The following PTPRD variants were observed in gnomAD, a reference collection of about 807,000 sequenced individuals.
PTPRD encodes protein tyrosine phosphatase receptor type D.
PTPRD carries 34 observed loss-of-function variants against 214.5 expected under a neutral mutation model. That is an observed-to-expected ratio of 0.16 (90% confidence interval 0.12 to 0.21). PTPRD has a LOEUF of 0.21. PTPRD is among the 10% of genes least tolerant of loss of function. The probability of loss-of-function intolerance (pLI) is 1.00; values close to 1 mark genes in which losing one functional copy is unlikely to be tolerated. For missense variants in PTPRD, 2,545 were observed against 2,398.7 expected, an observed-to-expected ratio of 1.06 and a Z score of -1.27; for synonymous variants, 1,128 against 845.7, an observed-to-expected ratio of 1.33 and a Z score of -5.79.
chr9:9,199,669 A>G (rs1403316123), intron 9 of PTPRD, among the ~76,000 whole-genome samples: 1 of 152,212 alleles, frequency 6.6e-6, no homozygotes, highest in Non-Finnish European at 1.5e-5. Context: ...AATATATTTC[A>G]GAAATATGCC....
chr9:10,187,293 C>A (rs1255693180), intron 3 of PTPRD, among the ~76,000 whole-genome samples: 1 of 152,114 alleles, frequency 6.6e-6, no homozygotes, highest in Non-Finnish European at 1.5e-5. Context: ...GAATATAGCA[C>A]AGCATTTGAC....
chr9:10,500,071 A>T (rs2043204836), intron 2 of PTPRD, among the ~76,000 whole-genome samples: 1 of 151,712 alleles, frequency 6.6e-6, no homozygotes, highest in Non-Finnish European at 1.5e-5. Context: ...TTCTATTTTA[A>T]ATCATCAAAT....
At chr9:9,941,654 A>G (rs1350589482) in intron 4 of PTPRD, among the ~76,000 whole-genome samples, 3 of 152,144 alleles carry the variant, frequency 2.0e-5, no homozygotes, top group East Asian at 1.9e-4. Context: ...ATTTGTCACA[A>G]TGTAAGGAAA....
intron 8 of PTPRD, among the ~76,000 whole-genome samples, chr9:9,401,504 G>T (rs1373389214): frequency 6.6e-6 from 1 of 151,994 alleles, no homozygotes; most frequent in Non-Finnish European, 1.5e-5. Context: ...AGGGTAATTG[G>T]TATGACTGAC....
At chr9:8,723,630 T>C (rs930065522) in intron 12 of PTPRD, among the ~76,000 whole-genome samples, 2 of 152,230 alleles carry the variant, frequency 1.3e-5, no homozygotes, top group African/African-American at 4.8e-5. Context: ...AAGATAAGTA[T>C]AGATATTAGA....
At chr9:8,721,674 G>C (rs187966784) in intron 12 of PTPRD, among the ~76,000 whole-genome samples, 142 of 152,216 alleles carry the variant, frequency 9.3e-4, no homozygotes, top group African/African-American at 3.3e-3. Context: ...TGTCTTTACA[G>C]CAATCCTATA....
At chr9:9,643,895 G>A (rs1351154409) in intron 7 of PTPRD, among the ~76,000 whole-genome samples, 1 of 152,004 alleles carries the variant, frequency 6.6e-6, no homozygotes, top group Non-Finnish European at 1.5e-5. Context: ...TTTAACCACT[G>A]CCCGCTAAAG....
chr9:10,440,111 G>A (rs368607682), intron 2 of PTPRD, among the ~76,000 whole-genome samples: 22 of 151,024 alleles, frequency 1.5e-4, no homozygotes, highest in East Asian at 3.9e-4. Flanking sequence ...TTAAAAAATC[G>A]GCTATTACTA....
intron 37 of PTPRD, among the ~76,000 whole-genome samples, chr9:8,381,106 T>TA (rs2084927609): frequency 1.3e-5 from 2 of 152,172 alleles, no homozygotes; most frequent in Admixed American, 6.5e-5. Context: ...TAACTATTGC[T>TA]AAAAGTGACT....
intron 9 of PTPRD, among the ~76,000 whole-genome samples, chr9:9,206,246 G>A (rs1322908044): frequency 5.9e-5 from 9 of 152,284 alleles, no homozygotes; most frequent in Non-Finnish European, 7.4e-5. Flanking sequence ...ATGGAGGGTG[G>A]TGGGAGATGA....
At chr9:10,291,694 G>A (rs941722932) in intron 3 of PTPRD, among the ~76,000 whole-genome samples, 1 of 152,012 alleles carries the variant, frequency 6.6e-6, no homozygotes, top group Non-Finnish European at 1.5e-5. Flanking sequence ...AAGCAGCCCT[G>A]AAGATACCTT....
chr9:9,215,147 T>C (rs906299697), intron 9 of PTPRD, among the ~76,000 whole-genome samples: 1 of 152,210 alleles, frequency 6.6e-6, no homozygotes, highest in African/African-American at 2.4e-5. Flanking sequence ...AATTGGTCCA[T>C]GTGCATTTGT....
intron 9 of PTPRD, among the ~76,000 whole-genome samples, chr9:9,312,338 A>G (rs1959227383): frequency 6.6e-6 from 1 of 152,200 alleles, no homozygotes; most frequent in Non-Finnish European, 1.5e-5. Context: ...AAAATTCTAT[A>G]TTACAGGGGA....
At chr9:10,253,358 C>G (rs1278096294) in intron 3 of PTPRD, among the ~76,000 whole-genome samples, 1 of 152,132 alleles carries the variant, frequency 6.6e-6, no homozygotes, top group Middle Eastern at 3.2e-3. Context: ...TGCTCTTCCT[C>G]TTATGGGGCC....
chr9:8,810,068 GC>G (rs1166462020), intron 11 of PTPRD, among the ~76,000 whole-genome samples: 1 of 152,118 alleles, frequency 6.6e-6, no homozygotes, highest in Non-Finnish European at 1.5e-5. Flanking sequence ...ACAAACATAT[GC>G]CCCACTGCCA....
At chr9:8,625,988 TATAATAA>T (rs2096018415) in intron 14 of PTPRD, among the ~76,000 whole-genome samples, 2 of 151,952 alleles carry the variant, frequency 1.3e-5, no homozygotes, top group South Asian at 4.1e-4. Context: ...TTTAATAAGA[TATAATAA>T]GTTACTTGCT....
At chr9:8,955,312 C>T (rs2099125244) in intron 11 of PTPRD, among the ~76,000 whole-genome samples, 1 of 151,804 alleles carries the variant, frequency 6.6e-6, no homozygotes. Context: ...AGGCTGTCTT[C>T]TTAACAGGAG....
At chr9:9,521,158 T>G (rs2096961893) in intron 8 of PTPRD, among the ~76,000 whole-genome samples, 2 of 152,174 alleles carry the variant, frequency 1.3e-5, no homozygotes, top group African/African-American at 4.8e-5. Context: ...TTGAGAGGTG[T>G]TACTGATTCA....
chr9:8,674,415 G>A (rs143626908), intron 12 of PTPRD, among the ~76,000 whole-genome samples: 1,585 of 133,880 alleles, frequency 0.012, 12 homozygotes, highest in Non-Finnish European at 0.02. Flanking sequence ...CCGGGATCGC[G>A]CCACTGCACT....
Sources: allele counts gnomAD v4.1 joint callset (sites outside exome capture counted in the v4.1 genomes callset), GRCh38; gene constraint gnomAD v4.1.1; transcripts MANE v1.5; gene names NCBI Gene and HGNC (gene_info 2026-07-23, HGNC 2026-07-21).